Variants in PTCHD1 observed in about 807,000 individuals in gnomAD.
PTCHD1 encodes the protein patched domain-containing protein 1.
PTCHD1 carries 3 observed loss-of-function variants against 34.6 expected under a neutral mutation model. That is an observed-to-expected ratio of 0.09 (90% CI 0.04 to 0.22). The LOEUF (loss-of-function observed/expected upper bound fraction) is 0.22, where lower values mean the gene tolerates loss of function less well. Ranked by LOEUF, PTCHD1 falls within the 10% of genes least tolerant of loss-of-function variation. The pLI is 1.00. For synonymous variants in PTCHD1, 305 were observed against 283.1 expected (o/e 1.08, Z -0.77); for missense variants, 504 against 685.5 (o/e 0.74, Z 2.96).
intron 1 of PTCHD1, among the ~76,000 whole-genome samples, chrX:23,371,047 G>T (rs6629615): frequency 0.5 from 55,143 of 109,656 alleles, 11,671 homozygotes; most frequent in African/African-American, 0.79. Flanking sequence ...GAAAGCTCAG[G>T]TAGGTGACTC....
intron 2 of PTCHD1, among the ~76,000 whole-genome samples, chrX:23,382,070 G>A (rs1056155998): frequency 2.7e-5 from 3 of 111,616 alleles, no homozygotes; most frequent in African/African-American, 9.8e-5. Context: ...ATAGGAATAA[G>A]AAAAGAGTGG....
At chrX:23,340,686 T>A (rs769896461) in intron 1 of PTCHD1, among the ~76,000 whole-genome samples, 14 of 111,852 alleles carry the variant, frequency 1.3e-4, no homozygotes, top group Non-Finnish European at 2.6e-4. Context: ...GAACCTTCGG[T>A]TTAGAAGGCA....
intron 2 of PTCHD1, among the ~76,000 whole-genome samples, chrX:23,391,923 C>A (rs1014876537): frequency 8.1e-5 from 9 of 110,839 alleles, no homozygotes; most frequent in Non-Finnish European, 1.7e-4. Context: ...GTGGCACAAT[C>A]ATGGCTCACT....
rs747902414 is a variant in PTCHD1, at chrX:23,402,573, A to G, written c.*8388A>G. 5.4e-5 allele frequency: 6 copies of G among 112,093 alleles called. No homozygotes were observed. The highest frequency in any genetic ancestry group is 1.9e-4 in the African/African-American group (6 of 30,893). 9.2% of individuals were successfully genotyped at this position (112,093 alleles called of 1,213,427 possible). A position where few individuals can be genotyped will look rare whatever the true frequency, so the allele number is the denominator to read the frequency against. On this transcript the variant is annotated 3_prime_UTR_variant, in exon 3 of 3. Coordinates refer to ENST00000379361, the MANE Select transcript of PTCHD1 (RefSeq NM_173495.3). ...TAAAGAGACCCCATATTCTCTTTTG[A>G]ATTATTGACCTATAATTCCTCTTCA...
At chrX:23,335,434 C>T (rs1255615433) in intron 1 of PTCHD1, among the ~76,000 whole-genome samples, 1 of 112,982 alleles carries the variant, frequency 8.9e-6, no homozygotes, top group Non-Finnish European at 1.9e-5. Flanking sequence ...CGGCCCTGCC[C>T]GCGTCGCCTC....
chrX:23,367,878 T>A (rs1316942759), intron 1 of PTCHD1, among the ~76,000 whole-genome samples: 1 of 111,727 alleles, frequency 9.0e-6, no homozygotes, highest in Non-Finnish European at 1.9e-5. Context: ...AGTGCTTGCA[T>A]CGTCTGAGAC....
intron 2 of PTCHD1, 46 bp downstream of exon 2, chrX:23,380,297 T>G (rs1922529463): frequency 1.8e-6 from 2 of 1,126,805 alleles, no homozygotes; most frequent in East Asian, 6.0e-5. Context: ...CTGGTGGTGT[T>G]GACTAGGTTC....
chrX:23,341,307 A>C (rs1335875693), intron 1 of PTCHD1, among the ~76,000 whole-genome samples: 1 of 112,309 alleles, frequency 8.9e-6, no homozygotes, highest in Non-Finnish European at 1.9e-5. Context: ...TAAAGCTCAC[A>C]GGACAGTCAA....
intron 1 of PTCHD1, among the ~76,000 whole-genome samples, chrX:23,346,806 G>T (rs1921489465): frequency 8.9e-6 from 1 of 111,802 alleles, no homozygotes; most frequent in South Asian, 3.8e-4. Context: ...AGTGCTGTCA[G>T]AGAGAGGTGA....
At chrX:23,384,855 C>G (rs2146645537) in intron 2 of PTCHD1, among the ~76,000 whole-genome samples, 1 of 111,616 alleles carries the variant, frequency 9.0e-6, no homozygotes, top group African/African-American at 3.2e-5. Context: ...ATTATCTGGT[C>G]ATTTTTGAGC....
At chrX:23,347,729 G>T in intron 1 of PTCHD1, among the ~76,000 whole-genome samples, 1 of 112,168 alleles carries the variant, frequency 8.9e-6, no homozygotes, top group South Asian at 3.7e-4. Flanking sequence ...ATGAAGGCCA[G>T]GCGAGGTGGC....
At chrX:23,342,295 TATATATATATATA>T (rs1921346947) in intron 1 of PTCHD1, among the ~76,000 whole-genome samples, 1 of 7,533 alleles carries the variant, frequency 1.3e-4, no homozygotes, top group East Asian at 9.1e-3. Context: ...TATATATATA[TATATATATATATA>T]TATTTTTTTT....
At chrX:23,351,776 G>A (rs1921641481) in intron 1 of PTCHD1, among the ~76,000 whole-genome samples, 1 of 112,144 alleles carries the variant, frequency 8.9e-6, no homozygotes, top group African/African-American at 3.2e-5. Flanking sequence ...TTGAGTTTTG[G>A]TTCAGCGCTA....
intron 1 of PTCHD1, among the ~76,000 whole-genome samples, chrX:23,357,096 A>G (rs1921829043): frequency 8.9e-6 from 1 of 112,107 alleles, no homozygotes; most frequent in Non-Finnish European, 1.9e-5. Flanking sequence ...GACTCTTTCT[A>G]CCATACCAGG....
At chrX:23,353,011 C>T (rs970734020) in intron 1 of PTCHD1, among the ~76,000 whole-genome samples, 5 of 112,005 alleles carry the variant, frequency 4.5e-5, no homozygotes, top group African/African-American at 1.3e-4. Context: ...CTCTAATGCA[C>T]GGTTAGAGTT....
Position 23,334,897 on chromosome X carries a change from A to G in PTCHD1, c.22A>G (p.Arg8Gly), listed in dbSNP as rs777586568. 1 of 1,198,703 alleles carries G rather than the reference A, an allele frequency of 8.3e-7. No homozygotes were observed. The highest frequency in any genetic ancestry group is 3.0e-5 in the East Asian group (1 of 33,064). ...TAGGATGCTGCGGCAGGTTCTGCAC[A>G]GGGGCTTGAGGACGTGTTTCTCCCG... MLRQVLH[R>G]GLRTCFSRLG... Residue 8 changes from arginine to glycine, a missense_variant, in exon 1 of 3, where the codon AGG (arginine) becomes GGG (glycine). Transcript: ENST00000379361.
At chrX:23,360,328 CTGT>C (rs1921938647) in intron 1 of PTCHD1, among the ~76,000 whole-genome samples, 2 of 111,516 alleles carry the variant, frequency 1.8e-5, no homozygotes, top group South Asian at 7.6e-4. Context: ...GTTTCAGAGC[CTGT>C]TGTTGGTCTA....
intron 1 of PTCHD1, among the ~76,000 whole-genome samples, chrX:23,354,783 G>A (rs767511594): frequency 2.6e-3 from 288 of 108,991 alleles, no homozygotes; most frequent in African/African-American, 8.7e-3. Context: ...ATCTTGGCCA[G>A]GATGGTCTCG....
rs765186382 is a variant in PTCHD1, at chrX:23,393,359, G to A, written c.1841G>A (p.Arg614Lys). ...AAGAAAAATTTCACAGACATGTTGAGGAATTCCTTTCTGAAAGCCCCTCAA... is the reference window on the plus strand; with the variant it reads ...AAGAAAAATTTCACAGACATGTTGAAGAATTCCTTTCTGAAAGCCCCTCAA... ...LPKKNFTDMLRNSFLKAPQFS... is the reference protein window; with the variant it reads ...LPKKNFTDMLKNSFLKAPQFS... The change falls in exon 3 of 3, where the codon AGG becomes AAG. Residue 614 changes from arginine to lysine, a missense_variant. Arg to Lys is a conservative substitution (Grantham distance 26, BLOSUM62 2). Transcript: ENST00000379361. 2.5e-6 allele frequency: 3 copies of A among 1,209,586 alleles called. No homozygotes were observed. The South Asian group carries it at 5.3e-5, about 21-fold the overall frequency.
Sources: allele counts gnomAD v4.1 joint callset (sites outside exome capture counted in the v4.1 genomes callset), GRCh38; gene constraint gnomAD v4.1.1; transcripts MANE v1.5; gene names NCBI Gene and HGNC (gene_info 2026-07-23, HGNC 2026-07-21).